ATRNL1: variants seen among roughly 807,000 people sequenced by gnomAD.
ATRNL1 encodes the protein attractin-like protein 1.
Under a neutral mutation model 182.7 loss-of-function variants are expected in ATRNL1, and 95 were observed. That is an observed-to-expected ratio of 0.52 (90% CI 0.44 to 0.62). ATRNL1 has a LOEUF of 0.62. ATRNL1 is among the 20% of genes least tolerant of loss of function. The pLI is 0.00. For missense variants in ATRNL1, 1,471 were observed against 1,679.5 expected (o/e 0.88, Z 2.17); for synonymous variants, 576 against 568.3 (o/e 1.01, Z -0.19).
intron 28 of ATRNL1, among the ~76,000 whole-genome samples, chr10:115,895,627 G>A (rs534449619): frequency 4.6e-5 from 7 of 152,250 alleles, no homozygotes; most frequent in African/African-American, 1.2e-4. Context: ...ACTGAATACC[G>A]GACACTGCTG....
rs1345007287 is a variant in ATRNL1 at position 115,348,257 on chromosome 10, GGCACC to G, written c.3175+13841_3175+13845del. The stretch of plus-strand genomic sequence containing the variant: ...CAAAGTGCTGGAATTACAGGCATGA[GGCACC>G]GCGCCTGGCCTATTTAACTTTTTAG... On this transcript the variant is annotated intron_variant, in intron 19 of 28. Coordinates refer to ENST00000355044, the MANE Select transcript of ATRNL1 (RefSeq NM_207303.4). 2.0e-5 allele frequency among the ~76,000 whole-genome samples: 3 copies of G among 152,264 alleles called. No individual in the cohort carries two copies. In the East Asian group the frequency reaches 5.8e-4, roughly 29 times the overall value.
chr10:115,493,684 T>G (rs1170446789), intron 24 of ATRNL1, among the ~76,000 whole-genome samples: 1 of 152,210 alleles, frequency 6.6e-6, no homozygotes, highest in African/African-American at 2.4e-5. Context: ...CTTTGAGAAA[T>G]TGCCAAACTG....
intron 26 of ATRNL1, among the ~76,000 whole-genome samples, chr10:115,684,872 T>C (rs1946167604): frequency 6.6e-6 from 1 of 151,784 alleles, no homozygotes; most frequent in Non-Finnish European, 1.5e-5. Flanking sequence ...TTAACAAATG[T>C]TAGTCTTCCT....
chr10:115,487,336 T>C (rs1849074370), intron 24 of ATRNL1, among the ~76,000 whole-genome samples: 1 of 152,182 alleles, frequency 6.6e-6, no homozygotes, highest in Admixed American at 6.5e-5. Context: ...TTGAGCAGTA[T>C]GTCCATTATC....
In ATRNL1 at chr10:115,944,746, A is replaced by G; in HGVS notation, c.4107A>G (p.Lys1369=). The G allele has an allele frequency of 6.2e-7, 1 of 1,613,744 alleles. No individual in the cohort carries two copies. The highest frequency in any genetic ancestry group is 1.7e-5 in the Admixed American group (1 of 60,014). Residue 1369 remains lysine, a synonymous_variant, in exon 29 of 29, where the codon AAA becomes AAG. Transcript: ENST00000355044. ...AGACTTCTGGAGTCCGGAATCGAAA[A>G]CACCTTTCAACACGTCAAGGAACTT... The part of the protein sequence containing the change: ...KDKTSGVRNR[K]HLSTRQGTCV
At chr10:115,248,086 G>C (rs1430360684) in intron 10 of ATRNL1, among the ~76,000 whole-genome samples, 1 of 152,124 alleles carries the variant, frequency 6.6e-6, no homozygotes, top group Non-Finnish European at 1.5e-5. Flanking sequence ...AGCTAGATAG[G>C]AGGAATACAT....
intron 17 of ATRNL1, among the ~76,000 whole-genome samples, chr10:115,304,312 C>A (rs193270433): frequency 6.6e-6 from 1 of 152,326 alleles, no homozygotes; most frequent in Admixed American, 6.5e-5. Flanking sequence ...CCCGTCCACT[C>A]TTCCTTCCCT....
rs564754553 is a variant in ATRNL1, at chr10:115,694,951, A to G, written c.3796-32297A>G. On this transcript the variant is annotated intron_variant, in intron 26 of 28. Coordinates refer to ENST00000355044, the MANE Select transcript of ATRNL1 (RefSeq NM_207303.4). ...CACACATGCACACACGCACACACAC[A>G]CACACACACAGAGTATCTTCATCCA... Among the ~76,000 whole-genome samples the G allele has an allele frequency of 2.0e-5, 3 of 151,294 alleles. No homozygotes were observed. The East Asian group carries it at 5.8e-4, about 29-fold the overall frequency.
intron 8 of ATRNL1, among the ~76,000 whole-genome samples, chr10:115,207,163 C>A (rs1848830668): frequency 6.6e-6 from 1 of 152,084 alleles, no homozygotes; most frequent in Non-Finnish European, 1.5e-5. Context: ...GTGCATGTGT[C>A]TTTATAGTAG....
chr10:115,658,856 T>C (rs1316091192), intron 26 of ATRNL1, among the ~76,000 whole-genome samples: 2 of 152,150 alleles, frequency 1.3e-5, no homozygotes, highest in African/African-American at 2.4e-5. Flanking sequence ...TGAAACACAG[T>C]TCAGCATGGC....
At chr10:115,499,597 C>T (rs1554979475) in intron 24 of ATRNL1, among the ~76,000 whole-genome samples, 1 of 152,088 alleles carries the variant, frequency 6.6e-6, no homozygotes. Context: ...GTAAGATGAA[C>T]ATTGATTCAG....
At chr10:115,257,385 G>A (rs1414257605) in intron 10 of ATRNL1, among the ~76,000 whole-genome samples, 1 of 151,984 alleles carries the variant, frequency 6.6e-6, no homozygotes, top group African/African-American at 2.4e-5. Context: ...TTATGTATTG[G>A]CCTTCTTTGT....
chr10:115,417,334 C>G (rs1431071744), intron 20 of ATRNL1, among the ~76,000 whole-genome samples: 1 of 152,202 alleles, frequency 6.6e-6, no homozygotes, highest in Non-Finnish European at 1.5e-5. Context: ...GTTCCCAGCA[C>G]AGAACTGCTC....
intron 10 of ATRNL1, among the ~76,000 whole-genome samples, chr10:115,250,027 T>C (rs1850808289): frequency 6.6e-6 from 1 of 152,202 alleles, no homozygotes; most frequent in Admixed American, 6.5e-5. Flanking sequence ...TATTTGTGTT[T>C]TCTTCCTCTT....
At chr10:115,342,855 A>G (rs1173029060) in intron 19 of ATRNL1, among the ~76,000 whole-genome samples, 1 of 152,156 alleles carries the variant, frequency 6.6e-6, no homozygotes, top group Non-Finnish European at 1.5e-5. Context: ...GGATATATAT[A>G]CACTTCAAAT....
At chr10:115,762,400 G>A (rs957745768) in intron 27 of ATRNL1, among the ~76,000 whole-genome samples, 2 of 151,996 alleles carry the variant, frequency 1.3e-5, no homozygotes, top group Non-Finnish European at 1.5e-5. Context: ...TTAATTTAAT[G>A]CAGAAAATCT....
chr10:115,813,863 C>T (rs1950104416), intron 27 of ATRNL1, among the ~76,000 whole-genome samples: 1 of 151,962 alleles, frequency 6.6e-6, no homozygotes, highest in Non-Finnish European at 1.5e-5. Context: ...TTTATTTCTC[C>T]TTTAATTAAG....
chr10:115,536,161 A>C (rs1554990219), intron 25 of ATRNL1, among the ~76,000 whole-genome samples: 1 of 151,960 alleles, frequency 6.6e-6, no homozygotes, highest in African/African-American at 2.4e-5. Flanking sequence ...GGGACATTTA[A>C]TTCTGCAGAG....
chr10:115,367,971 T>C (rs1184081900), intron 19 of ATRNL1, among the ~76,000 whole-genome samples: 2 of 151,770 alleles, frequency 1.3e-5, no homozygotes, highest in African/African-American at 2.4e-5. Context: ...TGCTGTCTTT[T>C]TGTTTGTCTG....
Sources: gnomAD v4.1 joint callset for allele counts (sites outside exome capture counted in the v4.1 genomes callset) on GRCh38, gnomAD v4.1.1 for gene constraint, MANE v1.5 for transcripts, NCBI Gene and HGNC (gene_info 2026-07-23, HGNC 2026-07-21) for gene names.